WDR64: variants seen among roughly 807,000 people sequenced by gnomAD.
WDR64 encodes the protein WD repeat-containing protein 64.
Under a neutral mutation model 139.3 loss-of-function variants are expected in WDR64, and 112 were observed. The ratio of observed to expected loss-of-function variants is 0.80; its 90% confidence interval spans 0.69 to 0.94. The LOEUF (loss-of-function observed/expected upper bound fraction) is 0.94, where lower values mean the gene tolerates loss of function less well. Ranked by LOEUF, WDR64 falls within the 40% of genes least tolerant of loss-of-function variation. The pLI is 0.00. For synonymous variants in WDR64, 444 were observed against 437.7 expected (o/e 1.01, Z -0.18); for missense variants, 1,206 against 1,293.1 (o/e 0.93, Z 1.03).
chr1:241,689,124 A>G (rs1486549855), intron 8 of WDR64, among the ~76,000 whole-genome samples: 1 of 152,182 alleles, frequency 6.6e-6, no homozygotes, highest in East Asian at 1.9e-4. Context: ...TTCGCAATCC[A>G]GACACACAGG....
At chr1:241,676,533 TAGG>T (rs1383764576) in intron 4 of WDR64, 1 of 152,122 alleles carries the variant, frequency 6.6e-6, no homozygotes, top group African/African-American at 2.4e-5. Flanking sequence ...TAGAAAATAA[TAGG>T]AGAAGGAAAA....
At chr1:241,776,773 A>G (rs983331454) in intron 21 of WDR64, among the ~76,000 whole-genome samples, 1 of 152,240 alleles carries the variant, frequency 6.6e-6, no homozygotes, top group Non-Finnish European at 1.5e-5. Context: ...ACAGAGAACT[A>G]AAATTTGAAA....
At chr1:241,800,281 C>T (rs1659483105) in intron 27 of WDR64, among the ~76,000 whole-genome samples, 1 of 152,106 alleles carries the variant, frequency 6.6e-6, no homozygotes, top group Admixed American at 6.6e-5. Context: ...TGAATCTTGA[C>T]CTTAGGAGCT....
chr1:241,770,505 G>C, intron 17 of WDR64, 116 bp from the exon 18 acceptor site: 1 of 851,696 alleles, frequency 1.2e-6, no homozygotes, highest in Non-Finnish European at 1.8e-6. Flanking sequence ...GAGTGGCTCA[G>C]TATCCACAGA....
intron 27 of WDR64, among the ~76,000 whole-genome samples, chr1:241,797,760 A>G (rs1659408449): frequency 6.6e-6 from 1 of 152,184 alleles, no homozygotes; most frequent in Non-Finnish European, 1.5e-5. Context: ...ACAGTTGTAT[A>G]AATAATCCAA....
At chr1:241,735,614 A>C (rs1301333641) in intron 10 of WDR64, among the ~76,000 whole-genome samples, 1 of 139,738 alleles carries the variant, frequency 7.2e-6, no homozygotes, top group Non-Finnish European at 1.5e-5. Flanking sequence ...GGCTCACTGC[A>C]ACTTCCACCT....
chr1:241,682,134 G>A (rs1428777129), intron 6 of WDR64, among the ~76,000 whole-genome samples: 2 of 152,112 alleles, frequency 1.3e-5, no homozygotes, highest in Non-Finnish European at 2.9e-5. Flanking sequence ...GCTTAATTAA[G>A]TCCCAGCTAT....
intron 15 of WDR64, among the ~76,000 whole-genome samples, chr1:241,763,539 T>C (rs1030383740): frequency 6.6e-6 from 1 of 152,090 alleles, no homozygotes; most frequent in Non-Finnish European, 1.5e-5. Context: ...ACCTCATCCT[T>C]AATAAAAATA....
At chr1:241,670,832 A>G (rs2148072129) in intron 2 of WDR64, among the ~76,000 whole-genome samples, 1 of 152,284 alleles carries the variant, frequency 6.6e-6, no homozygotes, top group South Asian at 2.1e-4. Flanking sequence ...TTTCATCCCG[A>G]AAGCATCCCC....
rs148194876 is a variant in WDR64 at position 241,794,054 on chromosome 1, G to A, written c.2998-1153G>A. ...AAATTAGCTGGGCATGGTGGCAGGCGCCTGTAATCCCAGCTACTTGGGAGG... is the reference window on the plus strand; with the variant it reads ...AAATTAGCTGGGCATGGTGGCAGGCACCTGTAATCCCAGCTACTTGGGAGG... On this transcript the variant is annotated intron_variant, in intron 25 of 27. Transcript: ENST00000437684. Among the ~76,000 whole-genome samples, 60 of 152,036 alleles carry A rather than the reference G, an allele frequency of 3.9e-4. No individual in the cohort carries two copies. The East Asian group carries it at 8.9e-3, about 23-fold the overall frequency.
chr1:241,691,564 T>A (rs1217392366), intron 8 of WDR64, among the ~76,000 whole-genome samples: 2 of 152,054 alleles, frequency 1.3e-5, no homozygotes, highest in African/African-American at 4.8e-5. Flanking sequence ...CATCAACTTG[T>A]AAAAAACATC....
intron 23 of WDR64, among the ~76,000 whole-genome samples, chr1:241,785,565 C>A (rs1021839878): frequency 6.6e-6 from 1 of 152,196 alleles, no homozygotes; most frequent in African/African-American, 2.4e-5. Flanking sequence ...GCACTGCTCA[C>A]TCCAGTTATC....
At chr1:241,760,759 A>ATTTTTTTTTTTTTTTTTTTTTTTTTTTT (rs71174847) in intron 15 of WDR64, among the ~76,000 whole-genome samples, 1 of 87,058 alleles carries the variant, frequency 1.1e-5, no homozygotes. Context: ...GTGGGTTTCC[A>ATTTTTTTTTTTTTTTTTTTTTTTTTTTT]TTTTTTTTTT....
chr1:241,709,372 T>C (rs1163397681), intron 8 of WDR64, among the ~76,000 whole-genome samples: 1 of 152,176 alleles, frequency 6.6e-6, no homozygotes, highest in African/African-American at 2.4e-5. Flanking sequence ...AGGTCTAGGG[T>C]AATAATTGCA....
At chr1:241,784,007 G>A (rs940616792) in intron 23 of WDR64, among the ~76,000 whole-genome samples, 1 of 152,192 alleles carries the variant, frequency 6.6e-6, no homozygotes, top group Non-Finnish European at 1.5e-5. Flanking sequence ...ATTAAGAGAG[G>A]TAGAGAGGCT....
chr1:241,669,669 TG>T (rs1666149552), intron 2 of WDR64, among the ~76,000 whole-genome samples: 1 of 152,160 alleles, frequency 6.6e-6, no homozygotes, highest in South Asian at 2.1e-4. Context: ...GGTTTGAATG[TG>T]GGGGAATGTA....
chr1:241,713,132 C>A (rs1289299999), intron 9 of WDR64, among the ~76,000 whole-genome samples: 1 of 149,564 alleles, frequency 6.7e-6, no homozygotes, highest in African/African-American at 2.6e-5. Flanking sequence ...TACAGTAAGA[C>A]CTTGTCTCTA....
chr1:241,738,351 T>C lies in WDR64; in HGVS notation c.1195-12T>C, dbSNP rs373047785. ...TATAAATAGTGGTAAACTGTGTTTG[T>C]TATTCTTCCAGGTTTTCCGGGTGTG... On this transcript the variant is annotated splice_polypyrimidine_tract_variant and intron_variant, in intron 10 of 27. Coordinates refer to ENST00000437684, the MANE Select transcript of WDR64 (RefSeq NM_001367482.1). 89 of 1,610,742 alleles carry C rather than the reference T, an allele frequency of 5.5e-5. No individual in the cohort carries two copies. Among genetic ancestry groups the C allele is most frequent in the Non-Finnish European group, 7.3e-5 (86 of 1,179,040 alleles).
intron 10 of WDR64, among the ~76,000 whole-genome samples, chr1:241,725,948 C>T (rs374401665): frequency 1.3e-5 from 2 of 152,182 alleles, no homozygotes; most frequent in East Asian, 1.9e-4. Flanking sequence ...CTACTGGGCT[C>T]GAGGGATCCT....
Sources: allele counts gnomAD v4.1 joint callset (sites outside exome capture counted in the v4.1 genomes callset), GRCh38; gene constraint gnomAD v4.1.1; transcripts MANE v1.5; gene names NCBI Gene and HGNC (gene_info 2026-07-23, HGNC 2026-07-21).